The following UGT8 variants were observed in gnomAD, a reference collection of about 807,000 sequenced individuals.
UGT8 encodes UDP glycosyltransferase 8, also known as 2-hydroxyacylsphingosine 1-beta-galactosyltransferase.
In UGT8, 12 loss-of-function variants were observed where a neutral mutation model predicts 40.5. The observed-to-expected ratio is 0.30, with a 90% CI of 0.19 to 0.48. The LOEUF is 0.48. Among genes scored for constraint, UGT8 ranks in the 20% least tolerant of loss-of-function variants. The pLI is 0.99. For synonymous variants in UGT8, 224 were observed against 240.4 expected (o/e 0.93, Z 0.63); for missense variants, 513 against 648.7 (o/e 0.79, Z 2.27).
At chr4:114,632,147 T>C (rs773235311) in intron 2 of UGT8, among the ~76,000 whole-genome samples, 11 of 152,194 alleles carry the variant, frequency 7.2e-5, no homozygotes, top group Non-Finnish European at 1.3e-4. Flanking sequence ...TTGCTGTTTG[T>C]AGGAACCACT....
Position 114,636,549 on chromosome 4 carries a change from A to C in UGT8, c.822+12847A>C, listed in dbSNP as rs183296235. On this transcript the variant is annotated intron_variant, in intron 2 of 5. Coordinates refer to ENST00000310836, the MANE Select transcript of UGT8 (RefSeq NM_001128174.3). ...GTGGCAATATTTAACAAAATGTTTTAACTCACTAGAAATAATTTCTTGATA... is the reference window on the plus strand; with the variant it reads ...GTGGCAATATTTAACAAAATGTTTTCACTCACTAGAAATAATTTCTTGATA... 1.1e-3 allele frequency among the ~76,000 whole-genome samples: 167 copies of C among 152,354 alleles called. 1 individual carries two copies. The highest frequency in any genetic ancestry group is 3.1e-3 in the African/African-American group (129 of 41,582).
chr4:114,640,041 T>C (rs1008507140), intron 2 of UGT8, among the ~76,000 whole-genome samples: 9 of 150,842 alleles, frequency 6.0e-5, no homozygotes, highest in Non-Finnish European at 1.2e-4. Flanking sequence ...TTGTTTTTTT[T>C]TTTTTTTGAG....
chr4:114,637,421 GT>G (rs1732952795), intron 2 of UGT8, among the ~76,000 whole-genome samples: 1 of 152,178 alleles, frequency 6.6e-6, no homozygotes, highest in Admixed American at 6.5e-5. Flanking sequence ...ATTTTAGGAA[GT>G]AATGAAGTTG....
intron 1 of UGT8, among the ~76,000 whole-genome samples, chr4:114,612,960 T>TATC (rs1334484149): frequency 6.6e-6 from 1 of 152,206 alleles, no homozygotes; most frequent in Non-Finnish European, 1.5e-5. Context: ...GAACCAAAGA[T>TATC]ATCAATCTCA....
At chr4:114,636,955 A>G (rs1457542076) in intron 2 of UGT8, among the ~76,000 whole-genome samples, 1 of 152,180 alleles carries the variant, frequency 6.6e-6, no homozygotes, top group Non-Finnish European at 1.5e-5. Context: ...ATTCAACACT[A>G]TGTGTTAATG....
chr4:114,676,489 A>G lies in UGT8; in HGVS notation c.*201A>G. The G allele has an allele frequency of 2.0e-6, 1 of 491,254 alleles. No homozygotes were observed. Among genetic ancestry groups the G allele is most frequent in the Non-Finnish European group, 3.5e-6 (1 of 283,452 alleles). The allele number at this position is 491,254 out of a possible 1,614,324, so 30.4% of individuals were successfully genotyped here. On this transcript the variant is annotated 3_prime_UTR_variant, in exon 6 of 6. Transcript: ENST00000310836. ...ATGCAGAAATGTATTTTATTCAAAT[A>G]CTGATGTAGAGAGTTTTGGCACTGA... is the stretch of plus-strand genomic sequence containing the variant.
At chr4:114,608,537 C>G (rs1730864932) in intron 1 of UGT8, among the ~76,000 whole-genome samples, 1 of 151,702 alleles carries the variant, frequency 6.6e-6, no homozygotes, top group African/African-American at 2.4e-5. Context: ...TTTTTTTTAA[C>G]AAGGTGTTCT....
intron 1 of UGT8, among the ~76,000 whole-genome samples, chr4:114,616,402 G>A (rs1027795802): frequency 5.3e-5 from 8 of 152,210 alleles, no homozygotes; most frequent in Non-Finnish European, 8.8e-5. Context: ...TCTGAGCCAT[G>A]CGGGGGATAT....
intron 2 of UGT8, among the ~76,000 whole-genome samples, chr4:114,647,701 C>G (rs1733660915): frequency 6.6e-6 from 1 of 152,066 alleles, no homozygotes; most frequent in African/African-American, 2.4e-5. Context: ...AAGGTAAGGA[C>G]TGCTTGTATC....
intron 2 of UGT8, among the ~76,000 whole-genome samples, chr4:114,625,509 T>TAAAAAAA (rs767102968): frequency 4.0e-5 from 3 of 75,304 alleles, no homozygotes; most frequent in Non-Finnish European, 7.1e-5. Flanking sequence ...AGACCCTGTC[T>TAAAAAAA]AAAAAAAAAA....
intron 2 of UGT8, among the ~76,000 whole-genome samples, chr4:114,635,145 G>A (rs1179249541): frequency 6.6e-6 from 1 of 151,934 alleles, no homozygotes; most frequent in East Asian, 1.9e-4. Context: ...GAGGTCAGGA[G>A]TTCGAGACCA....
chr4:114,653,367 C>T (rs1266406858), intron 2 of UGT8, among the ~76,000 whole-genome samples: 1 of 152,022 alleles, frequency 6.6e-6, no homozygotes, highest in Non-Finnish European at 1.5e-5. Context: ...GAAGCTGACT[C>T]AAGTATACTT....
intron 2 of UGT8, among the ~76,000 whole-genome samples, chr4:114,640,576 C>A (rs1449202943): frequency 6.6e-6 from 1 of 152,022 alleles, no homozygotes; most frequent in Non-Finnish European, 1.5e-5. Flanking sequence ...TTCGTTTTCA[C>A]ACTGCTGATA....
chr4:114,660,835 A>G (rs969387042), intron 2 of UGT8, among the ~76,000 whole-genome samples: 5 of 151,436 alleles, frequency 3.3e-5, no homozygotes, highest in South Asian at 2.1e-4. Flanking sequence ...AGCCTGCAGT[A>G]AGCCGAGATC....
intron 1 of UGT8, among the ~76,000 whole-genome samples, chr4:114,604,671 G>T (rs1008617579): frequency 6.6e-6 from 1 of 151,976 alleles, no homozygotes; most frequent in African/African-American, 2.4e-5. Flanking sequence ...CAGTGGTTTG[G>T]AAGTCAACCA....
At chr4:114,604,153 G>A (rs934700471) in intron 1 of UGT8, among the ~76,000 whole-genome samples, 1 of 152,104 alleles carries the variant, frequency 6.6e-6, no homozygotes, top group East Asian at 1.9e-4. Flanking sequence ...TATGCATTGT[G>A]TTTAAAAAGC....
chr4:114,616,304 C>T (rs890813771), intron 1 of UGT8, among the ~76,000 whole-genome samples: 89 of 151,738 alleles, frequency 5.9e-4, no homozygotes, highest in Non-Finnish European at 6.7e-4. Context: ...CAGTGGCGGG[C>T]GCCCCTCCCC....
Position 114,670,361 on chromosome 4 carries a change from G to A in UGT8, c.1262+2057G>A, listed in dbSNP as rs372162461. 2.0e-5 allele frequency among the ~76,000 whole-genome samples: 3 copies of A among 147,092 alleles called. 1 individual carries two copies. In the East Asian group the frequency reaches 6.0e-4, roughly 30 times the overall value. On this transcript the variant is annotated intron_variant, in intron 5 of 5. Transcript: ENST00000310836. ...CAGGAGAATGGCGTGAACCTGGGAG[G>A]CGGAACTTACAGTGAGCCGAGATTG...
chr4:114,624,549 C>T (rs1732065904), intron 2 of UGT8, among the ~76,000 whole-genome samples: 1 of 152,054 alleles, frequency 6.6e-6, no homozygotes, highest in African/African-American at 2.4e-5. Context: ...TACTTTTAAT[C>T]CTACCTCTGG....
Sources: allele counts gnomAD v4.1 joint callset (sites outside exome capture counted in the v4.1 genomes callset), GRCh38; gene constraint gnomAD v4.1.1; transcripts MANE v1.5; gene names NCBI Gene and HGNC (gene_info 2026-07-23, HGNC 2026-07-21).